The following CRYZ variants were observed in gnomAD, a reference collection of about 807,000 sequenced individuals.
CRYZ encodes crystallin zeta, also known as zeta-crystallin.
Under a neutral mutation model 34.1 loss-of-function variants are expected in CRYZ, and 35 were observed. The ratio of observed to expected loss-of-function variants is 1.03; its 90% confidence interval spans 0.78 to 1.36. CRYZ has a LOEUF of 1.36. Among genes scored for constraint, CRYZ ranks in the 40% most tolerant of loss-of-function variants. The pLI is 0.00. For missense variants in CRYZ, 403 were observed against 391.8 expected (o/e 1.03, Z -0.24); for synonymous variants, 137 against 136.5 (o/e 1.00, Z -0.03).
intron 4 of CRYZ, among the ~76,000 whole-genome samples, chr1:74,716,250 T>C (rs895866507): frequency 6.6e-6 from 1 of 151,944 alleles, no homozygotes; most frequent in Admixed American, 6.6e-5. Context: ...TTAAGGAATT[T>C]ATATAGAGAT....
At chr1:74,732,283 G>A in intron 1 of CRYZ, among the ~76,000 whole-genome samples, 1 of 141,156 alleles carries the variant, frequency 7.1e-6, no homozygotes. Flanking sequence ...CCTAGGAGAA[G>A]AAATCCCCCA....
chr1:74,709,987 A>G lies in CRYZ; in HGVS notation c.630+111T>C, dbSNP rs569808140. 5.8e-6 allele frequency: 5 copies of G among 860,060 alleles called. No homozygotes were observed. In the South Asian group the frequency reaches 1.0e-4, roughly 18 times the overall value. The allele number at this position is 860,060 out of a possible 1,614,324, so 53.3% of individuals were successfully genotyped here. A position where few individuals can be genotyped will look rare whatever the true frequency, so the allele number is the denominator to read the frequency against. On this transcript the variant is annotated intron_variant, in intron 6 of 8. Coordinates refer to ENST00000340866, the MANE Select transcript of CRYZ (RefSeq NM_001889.4). ...CACGCATAAAAATTCATCGCACTGA[A>G]AAAAGGAAGCAAACAGCTTTAAAGG... is the stretch of plus-strand genomic sequence containing the variant.
In CRYZ at chr1:74,723,117, C is replaced by A. The variant is rs750202286; in HGVS notation, c.264+1G>T. 1.9e-6 allele frequency: 3 copies of A among 1,609,688 alleles called. No individual in the cohort carries two copies. Among genetic ancestry groups the A allele is most frequent in the African/African-American group, 2.7e-5 (2 of 74,720 alleles). On this transcript the variant is annotated splice_donor_variant, in intron 3 of 8. Transcript: ENST00000340866. LOFTEE classifies it high-confidence loss of function. The stretch of plus-strand genomic sequence containing the variant: ...AATAGAAATAATTAAAAATGCAATA[C>A]CTTGAAAGCAGATGCATTATCTCCA...
At chr1:74,723,050 G>T in intron 3 of CRYZ, 68 bp downstream of exon 3, 1 of 1,509,502 alleles carries the variant, frequency 6.6e-7, no homozygotes, top group Non-Finnish European at 9.1e-7. Flanking sequence ...AGATGCAGTT[G>T]AAAGCTATGT....
intron 4 of CRYZ, among the ~76,000 whole-genome samples, chr1:74,718,465 C>T (rs995487802): frequency 1.5e-4 from 23 of 152,084 alleles, no homozygotes; most frequent in African/African-American, 5.6e-4. Flanking sequence ...CTTTTACAAC[C>T]TGAATTCTAT....
At chr1:74,726,558 T>G (rs1379297327) in intron 1 of CRYZ, among the ~76,000 whole-genome samples, 1 of 152,186 alleles carries the variant, frequency 6.6e-6, no homozygotes, top group Non-Finnish European at 1.5e-5. Context: ...TGAGAGCGAC[T>G]GCCGCAAAGG....
chr1:74,707,198 C>A lies in CRYZ; in HGVS notation c.637G>T (p.Val213Phe), dbSNP rs759490600. The A allele has an allele frequency of 6.7e-7, 1 of 1,501,508 alleles. No homozygotes were observed. Among genetic ancestry groups the A allele is most frequent in the Non-Finnish European group, 9.1e-7 (1 of 1,093,848 alleles). The allele number at this position is 1,501,508 out of a possible 1,614,324, so 93.0% of individuals were successfully genotyped here. ...VNYIDKIKKY[V>F]GEKGIDIIIE... ...ATTATATCAATTCCTTTCTCACCAA[C>A]ATACTTCTATATAATAAAAGAGAAA... The change falls in exon 7 of 9, where the codon GTT becomes TTT. Residue 213 changes from valine (V) to phenylalanine (F), a missense_variant. By Grantham distance (50) the Val-to-Phe change is conservative. Transcript: ENST00000340866.
chr1:74,722,447 A>G (rs952471727), intron 3 of CRYZ, among the ~76,000 whole-genome samples: 1 of 152,174 alleles, frequency 6.6e-6, no homozygotes, highest in Non-Finnish European at 1.5e-5. Flanking sequence ...GGAAAGCTGT[A>G]TGAATTTGCC....
At chr1:74,710,990 C>G (rs756660062) in intron 5 of CRYZ, among the ~76,000 whole-genome samples, 3 of 152,064 alleles carry the variant, frequency 2.0e-5, no homozygotes, top group Non-Finnish European at 4.4e-5. Context: ...AAAATGAGAC[C>G]TGAAAAAAGT....
At chr1:74,720,275 C>A in intron 3 of CRYZ, among the ~76,000 whole-genome samples, 1 of 150,574 alleles carries the variant, frequency 6.6e-6, no homozygotes, top group East Asian at 1.9e-4. Context: ...CATGCAAACA[C>A]CCAAAGGCAG....
chr1:74,728,540 G>C (rs969872694), intron 1 of CRYZ, among the ~76,000 whole-genome samples: 1 of 152,144 alleles, frequency 6.6e-6, no homozygotes, highest in Admixed American at 6.5e-5. Flanking sequence ...ATTAAGAAGA[G>C]CTGCAGAAAC....
Position 74,706,553 on chromosome 1 carries a change from T to C in CRYZ, c.829-96A>G, listed in dbSNP as rs563047831. The C allele has an allele frequency of 5.2e-5, 59 of 1,123,904 alleles. No homozygotes were observed. In the South Asian group the frequency reaches 7.9e-4, roughly 15 times the overall value. 69.6% of individuals were successfully genotyped at this position (1,123,904 alleles called of 1,614,324 possible). ...ACTTCAGAATCTAAGTGTTATACCA[T>C]GAAGAGTCTCTTACAAATGTGTGAC... On this transcript the variant is annotated intron_variant, in intron 8 of 8. Coordinates refer to ENST00000340866, the MANE Select transcript of CRYZ (RefSeq NM_001889.4).
chr1:74,706,936 G>A lies in CRYZ; in HGVS notation c.791C>T (p.Ser264Leu), dbSNP rs148239081. The change falls in exon 8 of 9, where the codon TCG becomes TTG. Residue 264 changes from serine to leucine, a missense_variant. Physicochemically the swap from Ser to Leu is moderately radical, Grantham distance 145. Transcript: ENST00000340866. ...AAAGAGAGTAACTCCAATTATACTC[G>A]ACTCCTTTGCCATGGTGTCTCGTGG... ...INPRDTMAKE[S>L]SIIGVTLFSS... 1,526 of 1,612,608 alleles carry A rather than the reference G, an allele frequency of 9.5e-4. 2 individuals are homozygous for A. Among genetic ancestry groups the A allele is most frequent in the Non-Finnish European group, 1.2e-3 (1,423 of 1,179,188 alleles).
intron 1 of CRYZ, among the ~76,000 whole-genome samples, chr1:74,728,047 A>C (rs1269739089): frequency 1.3e-5 from 2 of 152,208 alleles, no homozygotes; most frequent in African/African-American, 4.8e-5. Flanking sequence ...CAGTTTAGGG[A>C]ATATAAAAAT....
intron 1 of CRYZ, among the ~76,000 whole-genome samples, chr1:74,725,638 C>G (rs142420399): frequency 0.017 from 2,577 of 152,232 alleles, 32 homozygotes; most frequent in East Asian, 0.055. Context: ...CATGTCCTCA[C>G]ATTTCAAAAC....
At chr1:74,719,089 A>T (rs1000895818) in intron 4 of CRYZ, 120 bp downstream of exon 4, 20 of 993,296 alleles carry the variant, frequency 2.0e-5, no homozygotes, top group Non-Finnish European at 2.9e-5. Context: ...TAAATGTTTA[A>T]TGGTAAGTAA....
chr1:74,723,668 T>C (rs1363794888), intron 2 of CRYZ, among the ~76,000 whole-genome samples: 1 of 152,172 alleles, frequency 6.6e-6, no homozygotes, highest in Non-Finnish European at 1.5e-5. Context: ...CAGTAGACAC[T>C]TGCAGACCTG....
intron 1 of CRYZ, among the ~76,000 whole-genome samples, chr1:74,727,779 T>C (rs1230337853): frequency 6.6e-6 from 1 of 151,968 alleles, no homozygotes; most frequent in Non-Finnish European, 1.5e-5. Context: ...TTATGGGAGC[T>C]ACAATTGAAG....
At chr1:74,727,519 C>A (rs1383782661) in intron 1 of CRYZ, among the ~76,000 whole-genome samples, 2 of 148,618 alleles carry the variant, frequency 1.3e-5, no homozygotes, top group Non-Finnish European at 3.0e-5. Flanking sequence ...GTAGTCCCAG[C>A]TACTCAGGAG....
Sources: allele counts gnomAD v4.1 joint callset (sites outside exome capture counted in the v4.1 genomes callset), GRCh38; gene constraint gnomAD v4.1.1; transcripts MANE v1.5; gene names NCBI Gene and HGNC (gene_info 2026-07-23, HGNC 2026-07-21).